FBLN2: variants seen among roughly 807,000 people sequenced by gnomAD.
FBLN2 encodes the protein fibulin 2.
A neutral mutation model predicts 123.7 loss-of-function variants in FBLN2; 81 were observed. The ratio of observed to expected loss-of-function variants is 0.65; its 90% CI spans 0.55 to 0.79. The LOEUF is 0.79. FBLN2 is among the 30% of genes least tolerant of loss of function. The pLI, the probability that FBLN2 is intolerant of heterozygous loss-of-function variation, is 0.00. For synonymous variants in FBLN2, 699 were observed against 701.4 expected (o/e 1.00, Z 0.05); for missense variants, 1,603 against 1,681.3 (o/e 0.95, Z 0.81).
At chr3:13,600,626 T>C (rs905553542) in intron 2 of FBLN2, among the ~76,000 whole-genome samples, 5 of 151,212 alleles carry the variant, frequency 3.3e-5, no homozygotes, top group African/African-American at 1.2e-4. Context: ...CTTTTTTTTT[T>C]TTTTTTGAGA....
intron 6 of FBLN2, 89 bp downstream of exon 6, chr3:13,618,374 C>G (rs1705710200): frequency 8.3e-7 from 1 of 1,201,442 alleles, no homozygotes; most frequent in Non-Finnish European, 1.2e-6. Context: ...ACTGTGGGGT[C>G]CTTCACTTCC....
intron 16 of FBLN2, among the ~76,000 whole-genome samples, chr3:13,635,390 A>ACACACACACC (rs1553623577): frequency 6.6e-6 from 1 of 151,764 alleles, no homozygotes; most frequent in Admixed American, 6.6e-5. Flanking sequence ...ACACACACAC[A>ACACACACACC]CACACACACC....
intron 3 of FBLN2, among the ~76,000 whole-genome samples, chr3:13,608,578 T>G (rs1705285620): frequency 6.6e-6 from 1 of 152,196 alleles, no homozygotes; most frequent in Non-Finnish European, 1.5e-5. Flanking sequence ...TACCCTTGGG[T>G]CTTCAGGAGG....
In FBLN2 at chr3:13,608,183, G is replaced by A; in HGVS notation, c.1418+10G>A. 1 of 1,558,564 alleles carries A rather than the reference G, an allele frequency of 6.4e-7. No individual in the cohort carries two copies. Among genetic ancestry groups the A allele is most frequent in the East Asian group, 2.4e-5 (1 of 42,100 alleles). On this transcript the variant is annotated intron_variant, in intron 3 of 17. Transcript: ENST00000404922. ...AGGACAACGTCTGCAGGTAGGGTGG[G>A]CTCCCTGGAGCAGGCGGAGCTGCCC...
intron 1 of FBLN2, among the ~76,000 whole-genome samples, chr3:13,567,923 GCT>G: frequency 6.6e-6 from 1 of 152,298 alleles, no homozygotes; most frequent in Admixed American, 6.5e-5. Flanking sequence ...ACACAACTGT[GCT>G]CTAGCCTGGA....
intron 2 of FBLN2, among the ~76,000 whole-genome samples, chr3:13,591,358 T>C (rs12633091): frequency 0.082 from 12,521 of 152,350 alleles, 680 homozygotes; most frequent in East Asian, 0.26. Context: ...GATGAATTCA[T>C]TGCAAATGTT....
At chr3:13,619,141 C>A in intron 7 of FBLN2, 124 bp downstream of exon 7, 1 of 699,374 alleles carries the variant, frequency 1.4e-6, no homozygotes, top group Non-Finnish European at 2.4e-6. Context: ...AAAGGGTGTG[C>A]TTCTGTTTTG....
chr3:13,570,662 G>A lies in FBLN2; in HGVS notation c.307G>A (p.Gly103Ser). Residue 103 changes from glycine (G) to serine (S), a missense_variant, in exon 2 of 18, where the codon GGC becomes AGC. Transcript: ENST00000404922. The part of the protein sequence containing the change: ...FGSTECSCPP[G>S]GGKISCQFML... ...GAGCACTGAGTGCTCCTGCCCACCA[G>A]GCGGCGGCAAGATCAGCTGCCAGTT... The A allele has an allele frequency of 1.3e-6, 2 of 1,584,090 alleles. No individual in the cohort carries two copies. Among genetic ancestry groups the A allele is most frequent in the Non-Finnish European group, 8.6e-7 (1 of 1,166,414 alleles).
Position 13,571,122 on chromosome 3 carries a change from C to A in FBLN2, c.767C>A (p.Ala256Glu). 10 of 1,552,264 alleles carry A rather than the reference C, an allele frequency of 6.4e-6. No homozygotes were observed. The highest frequency in any genetic ancestry group is 8.7e-6 in the Non-Finnish European group (10 of 1,148,244). ...CCAGCTGTCCTCCCCAGGCCCACAG[C>A]GGCTGCTGCCCTGGGTCCCCCAGCC... is the stretch of plus-strand genomic sequence containing the variant. Reference protein sequence around the residue: ...PWPAVLPRPTAAAALGPPAPV... With the variant: ...PWPAVLPRPTEAAALGPPAPV... The change falls in exon 2 of 18, where the codon GCG (alanine) becomes GAG (glutamate). Residue 256 changes from alanine (A) to glutamate (E), a missense_variant. Physicochemically the swap from Ala to Glu is moderately radical, Grantham distance 107. Transcript: ENST00000404922.
chr3:13,567,254 T>C (rs1259155082), intron 1 of FBLN2, among the ~76,000 whole-genome samples: 1 of 152,210 alleles, frequency 6.6e-6, no homozygotes, highest in African/African-American at 2.4e-5. Context: ...GACAGCCCTG[T>C]GTCCTGTGGC....
intron 16 of FBLN2, among the ~76,000 whole-genome samples, chr3:13,635,986 C>T (rs1019902286): frequency 6.6e-6 from 1 of 152,072 alleles, no homozygotes; most frequent in Non-Finnish European, 1.5e-5. Context: ...GGGGGTGACT[C>T]AAGATCTGAG....
chr3:13,591,277 T>A (rs1704665799), intron 2 of FBLN2, among the ~76,000 whole-genome samples: 3 of 152,254 alleles, frequency 2.0e-5, no homozygotes, highest in Non-Finnish European at 4.4e-5. Flanking sequence ...TGGTTATGAG[T>A]CTCTTGTTGG....
intron 2 of FBLN2, among the ~76,000 whole-genome samples, chr3:13,602,845 A>G (rs1705077227): frequency 6.6e-6 from 1 of 151,828 alleles, no homozygotes; most frequent in Non-Finnish European, 1.5e-5. Context: ...TGAAACCATA[A>G]CATCTGCCAA....
chr3:13,628,349 A>G (rs1183480345), intron 11 of FBLN2, among the ~76,000 whole-genome samples: 1 of 152,128 alleles, frequency 6.6e-6, no homozygotes, highest in African/African-American at 2.4e-5. Flanking sequence ...CTGCAATACC[A>G]GTGTCCCCAC....
intron 16 of FBLN2, among the ~76,000 whole-genome samples, chr3:13,635,822 G>A (rs183235186): frequency 1.3e-5 from 2 of 152,160 alleles, no homozygotes; most frequent in African/African-American, 4.8e-5. Context: ...CCAGGTTGAG[G>A]GGGGACGGTA....
chr3:13,572,349 A>T (rs1312189066), intron 2 of FBLN2, among the ~76,000 whole-genome samples: 1 of 152,238 alleles, frequency 6.6e-6, no homozygotes, highest in Non-Finnish European at 1.5e-5. Flanking sequence ...GCTTCCCATC[A>T]GTCCTTCCAG....
chr3:13,620,713 G>A (rs1705819920), intron 8 of FBLN2, among the ~76,000 whole-genome samples: 1 of 152,194 alleles, frequency 6.6e-6, no homozygotes, highest in South Asian at 2.1e-4. Flanking sequence ...AGGAAGTATG[G>A]CAGTTCTGGC....
intron 1 of FBLN2, among the ~76,000 whole-genome samples, chr3:13,558,823 A>G (rs1164422667): frequency 7.6e-6 from 1 of 130,756 alleles, no homozygotes; most frequent in South Asian, 2.3e-4. Flanking sequence ...CTACCTACCC[A>G]TTCATCCATC....
Position 13,549,221 on chromosome 3 carries a change from G to A in FBLN2, c.-42+13G>A, listed in dbSNP as rs1703257867. ...GCAGTGCCCCGCGGTGAGTGCACGCGGCCCCTCCCGCCCGGACTCATCCCC... is the reference window on the plus strand; with the variant it reads ...GCAGTGCCCCGCGGTGAGTGCACGCAGCCCCTCCCGCCCGGACTCATCCCC... On this transcript the variant is annotated intron_variant, in intron 1 of 17. Coordinates refer to ENST00000404922, the MANE Select transcript of FBLN2 (RefSeq NM_001004019.2). 1 of 983,580 alleles carries A rather than the reference G, an allele frequency of 1.0e-6. No individual in the cohort carries two copies. The highest frequency in any genetic ancestry group is 1.2e-6 in the Non-Finnish European group (1 of 829,192). The allele number at this position is 983,580 out of a possible 1,614,324, so 60.9% of individuals were successfully genotyped here.
Sources: gnomAD v4.1 joint callset for allele counts (sites outside exome capture counted in the v4.1 genomes callset) on GRCh38, gnomAD v4.1.1 for gene constraint, MANE v1.5 for transcripts, NCBI Gene and HGNC (gene_info 2026-07-23, HGNC 2026-07-21) for gene names.